Variants in ADAMTS9 observed in about 807,000 individuals in gnomAD.
ADAMTS9 encodes the protein A disintegrin and metalloproteinase with thrombospondin motifs 9.
In ADAMTS9, 107 loss-of-function variants were observed where a neutral mutation model predicts 257.1. The observed-to-expected ratio is 0.42, with a 90% CI of 0.36 to 0.49. ADAMTS9 has a LOEUF of 0.49. ADAMTS9 is among the 20% of genes least tolerant of loss of function. The probability of loss-of-function intolerance (pLI) is 0.03; values close to 1 mark genes in which losing one functional copy is unlikely to be tolerated. For synonymous variants in ADAMTS9, 982 were observed against 880.9 expected, an observed-to-expected ratio of 1.11 and a Z score of -2.03; for missense variants, 2,353 against 2,469.1, an observed-to-expected ratio of 0.95 and a Z score of 1.00.
intron 11 of ADAMTS9, among the ~76,000 whole-genome samples, chr3:64,647,279 T>A (rs1451295849): frequency 6.6e-6 from 1 of 152,116 alleles, no homozygotes; most frequent in African/African-American, 2.4e-5. Flanking sequence ...CACTAACATG[T>A]CACCAATTTT....
In ADAMTS9 at chr3:64,553,654, C is replaced by T. The variant is rs545675811; in HGVS notation, c.4699-2592G>A. On this transcript the variant is annotated intron_variant, in intron 30 of 39. Transcript: ENST00000498707. Reference sequence around the variant, plus strand: ...AGGAGAAGGGATATGCTGGCATTTCCTGGTAGCCCCTTGTCACTTGCAAAC... The same window carrying T: ...AGGAGAAGGGATATGCTGGCATTTCTTGGTAGCCCCTTGTCACTTGCAAAC... Among the ~76,000 whole-genome samples the T allele has an allele frequency of 2.5e-3, 381 of 152,148 alleles. 2 individuals carry two copies. Among genetic ancestry groups the T allele is most frequent in the Non-Finnish European group, 4.6e-3 (315 of 68,016 alleles).
At chr3:64,578,348 C>T (rs912243511) in intron 28 of ADAMTS9, among the ~76,000 whole-genome samples, 4 of 151,010 alleles carry the variant, frequency 2.6e-5, no homozygotes, top group African/African-American at 9.7e-5. Flanking sequence ...CAGTAATAAC[C>T]AGATAAAATG....
intron 28 of ADAMTS9, chr3:64,589,281 G>T (rs1333417489): frequency 6.6e-6 from 1 of 152,162 alleles, no homozygotes; most frequent in African/African-American, 2.4e-5. Context: ...GAATCAAATG[G>T]ACAATGTCAT....
intron 3 of ADAMTS9, among the ~76,000 whole-genome samples, chr3:64,659,958 C>T (rs780936915): frequency 1.3e-5 from 2 of 152,156 alleles, no homozygotes; most frequent in African/African-American, 4.8e-5. Context: ...GATATTAACA[C>T]TGAAATTTTG....
intron 30 of ADAMTS9, among the ~76,000 whole-genome samples, chr3:64,558,682 C>T (rs1461990699): frequency 6.6e-6 from 1 of 152,116 alleles, no homozygotes; most frequent in Admixed American, 6.5e-5. Flanking sequence ...GCATGCAATA[C>T]ACCTTGCCAA....
intron 39 of ADAMTS9, among the ~76,000 whole-genome samples, chr3:64,518,045 G>A (rs1447484065): frequency 1.3e-5 from 2 of 152,164 alleles, no homozygotes; most frequent in African/African-American, 4.8e-5. Context: ...ATGCATGCTA[G>A]GAGATGAGTG....
At chr3:64,547,119 A>G (rs2083210678) in intron 31 of ADAMTS9, among the ~76,000 whole-genome samples, 167 bp from the exon 32 acceptor site, 1 of 152,168 alleles carries the variant, frequency 6.6e-6, no homozygotes, top group Non-Finnish European at 1.5e-5. Flanking sequence ...AGCGCACAGG[A>G]GACAGGCAAC....
rs1701959533 is a variant in ADAMTS9, at chr3:64,687,759, C to G, written c.-102G>C. 1.1e-6 allele frequency: 1 copy of G among 897,806 alleles called. No homozygotes were observed. The highest frequency in any genetic ancestry group is 1.8e-5 in the African/African-American group (1 of 55,958). The allele number at this position is 897,806 out of a possible 1,614,324, so 55.6% of individuals were successfully genotyped here. ...CAGCGGCCGTGGAGAGCGCGCGGAG[C>G]CCGGCGCCCGCCGCCAACTTTTGAC... On this transcript the variant is annotated 5_prime_UTR_variant, in exon 1 of 40. Transcript: ENST00000498707. This position sits in a 1 kb window ranked among gnomAD's most constrained non-coding sequence, Gnocchi z 4.4.
rs2083422301 is a variant in ADAMTS9 at position 64,561,518 on chromosome 3, G to A, written c.4698+60C>T. On this transcript the variant is annotated intron_variant, in intron 30 of 39. Transcript: ENST00000498707. The stretch of plus-strand genomic sequence containing the variant: ...CTGGCTTTATAGGGAACAGATGTGA[G>A]GATAGCAAGGGGCGCACACGTGAAA... 9.0e-6 allele frequency: 14 copies of A among 1,548,874 alleles called. No homozygotes were observed. The South Asian group carries it at 1.5e-4, about 16-fold the overall frequency.
intron 38 of ADAMTS9, among the ~76,000 whole-genome samples, chr3:64,531,470 T>TA (rs35413211): frequency 0.058 from 8,087 of 139,474 alleles, 695 homozygotes; most frequent in African/African-American, 0.19. Flanking sequence ...ATTGTGTACT[T>TA]AAAAAAAAAA....
Position 64,686,963 on chromosome 3 carries a change from A to G in ADAMTS9, c.121T>C (p.Leu41=), listed in dbSNP as rs1039316270. Residue 41 remains leucine, a synonymous_variant, in exon 2 of 40, where the codon TTA becomes CTA. Transcript: ENST00000498707. The surrounding 1 kb of genome is among the most constrained non-coding windows in gnomAD (Gnocchi z 4.6). The stretch of plus-strand genomic sequence containing the variant: ...TCGTATTCGCTCAGGGTCTCTAATA[A>G]TTTCACTGCGGAGAGAAGCAGAGGT... ...KDRLHPRQVK[L]LETLSEYEIV... is the part of the protein sequence containing the mutation. 1.2e-6 allele frequency: 2 copies of G among 1,612,940 alleles called. No homozygotes were observed. Among genetic ancestry groups the G allele is most frequent in the East Asian group, 2.2e-5 (1 of 44,848 alleles).
intron 16 of ADAMTS9, among the ~76,000 whole-genome samples, chr3:64,627,193 G>A (rs902235933): frequency 7.9e-5 from 12 of 152,104 alleles, no homozygotes; most frequent in Non-Finnish European, 1.6e-4. Context: ...GGTTAATTTG[G>A]GGGGTCTTTT....
chr3:64,615,612 T>G, intron 20 of ADAMTS9, 127 bp from the exon 21 acceptor site: 2 of 998,754 alleles, frequency 2.0e-6, no homozygotes, highest in Non-Finnish European at 2.9e-6. Context: ...TCTAGTTATT[T>G]TGGTGGAGAT....
chr3:64,555,198 C>A (rs953554320), intron 30 of ADAMTS9, among the ~76,000 whole-genome samples: 24 of 152,172 alleles, frequency 1.6e-4, no homozygotes, highest in African/African-American at 5.8e-4. Flanking sequence ...ATCAGTTTAT[C>A]TAGCGTTGCT....
chr3:64,622,687 G>T, intron 16 of ADAMTS9, 101 bp from the exon 17 acceptor site: 1 of 1,314,824 alleles, frequency 7.6e-7, no homozygotes, highest in South Asian at 1.4e-5. Flanking sequence ...GCTGTGCACG[G>T]AATGGGGACT....
At chr3:64,654,216 G>C in intron 8 of ADAMTS9, 137 bp downstream of exon 8, 2 of 861,030 alleles carry the variant, frequency 2.3e-6, no homozygotes, top group Non-Finnish European at 3.7e-6. Flanking sequence ...TAGGTTCAAA[G>C]CTCTTCAACC....
intron 38 of ADAMTS9, among the ~76,000 whole-genome samples, chr3:64,529,711 G>A (rs568196335): frequency 1.3e-5 from 2 of 152,298 alleles, no homozygotes; most frequent in East Asian, 3.9e-4. Context: ...GCTTCATTTA[G>A]GTTAGTGGTT....
At chr3:64,583,088 C>T (rs187756785) in intron 28 of ADAMTS9, 1 of 152,222 alleles carries the variant, frequency 6.6e-6, no homozygotes, top group African/African-American at 2.4e-5. Context: ...AGGATATAAC[C>T]CTTGTTTTCT....
At chr3:64,555,644 A>T (rs1299768931) in intron 30 of ADAMTS9, among the ~76,000 whole-genome samples, 1 of 152,152 alleles carries the variant, frequency 6.6e-6, no homozygotes, top group Non-Finnish European at 1.5e-5. Flanking sequence ...CCAGGGAGAG[A>T]AGAGGAAACA....
Sources: allele counts gnomAD v4.1 joint callset (sites outside exome capture counted in the v4.1 genomes callset), GRCh38; gene constraint gnomAD v4.1.1; non-coding constraint Gnocchi (gnomAD v3.1); transcripts MANE v1.5; gene names NCBI Gene and HGNC (gene_info 2026-07-23, HGNC 2026-07-21).